NUDT3: variants seen among roughly 807,000 people sequenced by gnomAD.
NUDT3 encodes the protein diphosphoinositol polyphosphate phosphohydrolase 1.
Under a neutral mutation model 23.6 loss-of-function variants are expected in NUDT3, and 9 were observed. That is an observed-to-expected ratio of 0.38 (90% CI 0.23 to 0.66). The LOEUF (loss-of-function observed/expected upper bound fraction) is 0.66, where lower values mean the gene tolerates loss of function less well. NUDT3 is among the 30% of genes least tolerant of loss of function. NUDT3 has a pLI of 0.52. For synonymous variants in NUDT3, 86 were observed against 82.6 expected (o/e 1.04, Z -0.22); for missense variants, 172 against 218.5 (o/e 0.79, Z 1.34).
At chr6:34,387,673 TAAAAAAAA>T (rs752125676) in intron 1 of NUDT3, among the ~76,000 whole-genome samples, 3 of 98,782 alleles carry the variant, frequency 3.0e-5, no homozygotes, top group Non-Finnish European at 4.1e-5. Context: ...CATCTCTTTT[TAAAAAAAA>T]AAAAAAAAAA....
chr6:34,316,665 A>G (rs1188514246), intron 2 of NUDT3, among the ~76,000 whole-genome samples: 1 of 152,150 alleles, frequency 6.6e-6, no homozygotes, highest in Admixed American at 6.6e-5. Flanking sequence ...TTGTATTTCC[A>G]ACCATGGTGA....
chr6:34,369,494 GA>G (rs1192142065), intron 1 of NUDT3, among the ~76,000 whole-genome samples: 1 of 152,322 alleles, frequency 6.6e-6, no homozygotes, highest in Non-Finnish European at 1.5e-5. Flanking sequence ...CAAGACAGAG[GA>G]GACGGCTGCT....
intron 1 of NUDT3, among the ~76,000 whole-genome samples, chr6:34,381,098 C>G (rs1162509718): frequency 6.6e-6 from 1 of 152,162 alleles, no homozygotes; most frequent in African/African-American, 2.4e-5. Context: ...CTTACTGCAG[C>G]CTTGACCTCC....
At chr6:34,290,618 G>A (rs550679437) in intron 4 of NUDT3, among the ~76,000 whole-genome samples, 9 of 150,916 alleles carry the variant, frequency 6.0e-5, no homozygotes, top group Non-Finnish European at 1.3e-4. Context: ...CTTGAACCCA[G>A]GAGGTTGAGG....
At position 34,376,692 on chromosome 6, in the gene NUDT3, A is replaced by T. The variant is rs576816358; in HGVS notation, c.99+15572T>A. On this transcript the variant is annotated intron_variant, in intron 1 of 4. Transcript: ENST00000607016. The stretch of plus-strand genomic sequence containing the variant: ...ATGGCTCTCACTTCCAGAATAGAAC[A>T]TCATTCTCCCAATCATTCCCTCTGG... Among the ~76,000 whole-genome samples the T allele has an allele frequency of 8.7e-4, 133 of 152,266 alleles. 1 individual carries two copies. The highest frequency in any genetic ancestry group is 6.4e-3 in the South Asian group (31 of 4,826).
rs952499361 is a variant in NUDT3, at chr6:34,290,401, C to CTT, written c.341-1472_341-1471dup. On this transcript the variant is annotated intron_variant, in intron 4 of 4. Transcript: ENST00000607016. Reference sequence around the variant, plus strand: ...GCACGTGCCACACCTGCTGCTGCTTCTTTTTTTTTTTTTTTTTTTTTTGGT... The same window carrying CTT: ...GCACGTGCCACACCTGCTGCTGCTTCTTTTTTTTTTTTTTTTTTTTTTTTGGT... Among the ~76,000 whole-genome samples the CTT allele has an allele frequency of 7.5e-4, 80 of 107,310 alleles. 1 individual carries two copies. In the East Asian group the frequency reaches 8.9e-3, roughly 12 times the overall value. The allele number at this position is 107,310 out of a possible 152,430, so 70.4% of individuals were successfully genotyped here. A position where few individuals can be genotyped will look rare whatever the true frequency, so the allele number is the denominator to read the frequency against.
chr6:34,322,480 T>G (rs557411913), intron 2 of NUDT3, among the ~76,000 whole-genome samples: 2 of 152,154 alleles, frequency 1.3e-5, no homozygotes, highest in Non-Finnish European at 2.9e-5. Context: ...CCGCCCACCT[T>G]GGCCTCCCAA....
At chr6:34,390,027 C>T (rs2113774800) in intron 1 of NUDT3, among the ~76,000 whole-genome samples, 1 of 151,018 alleles carries the variant, frequency 6.6e-6, no homozygotes, top group East Asian at 1.9e-4. Context: ...ATCCCAGCTA[C>T]TCGGGAGGCT....
intron 2 of NUDT3, among the ~76,000 whole-genome samples, chr6:34,303,657 T>C (rs1016731221): frequency 6.6e-6 from 1 of 152,204 alleles, no homozygotes; most frequent in Non-Finnish European, 1.5e-5. Flanking sequence ...TTATAATGAA[T>C]AGATGCTGAA....
At position 34,297,549 on chromosome 6, in the gene NUDT3, TG is replaced by T. The variant is rs1422449254; in HGVS notation, c.211-1865del. Among the ~76,000 whole-genome samples the T allele has an allele frequency of 2.0e-4, 28 of 139,412 alleles. 1 individual carries two copies. The South Asian group carries it at 2.2e-3, about 11-fold the overall frequency. 91.5% of individuals were successfully genotyped at this position (139,412 alleles called of 152,430 possible). ...GGGGGACAGAGGTAAGAAAAGTCAT[TG>T]TTTTTTTTTTTTTTTTAACTCTTGT... On this transcript the variant is annotated intron_variant, in intron 2 of 4. Transcript: ENST00000607016.
Position 34,389,833 on chromosome 6 carries a change from G to A in NUDT3, c.99+2431C>T, listed in dbSNP as rs140155198. 5.7e-3 allele frequency among the ~76,000 whole-genome samples: 861 copies of A among 151,986 alleles called. 3 individuals are homozygous for A. The highest frequency in any genetic ancestry group is 0.017 in the African/African-American group (723 of 41,452). ...AAAAAAATTAGCCAGACGTGGTCGC[G>A]GGCACCTGTAGTCCCAGCTGCTCGG... is the stretch of plus-strand genomic sequence containing the variant. On this transcript the variant is annotated intron_variant, in intron 1 of 4. Coordinates refer to ENST00000607016, the MANE Select transcript of NUDT3 (RefSeq NM_006703.4).
chr6:34,331,481 T>C (rs910276094), intron 2 of NUDT3, among the ~76,000 whole-genome samples: 4 of 152,168 alleles, frequency 2.6e-5, no homozygotes, highest in Admixed American at 6.5e-5. Context: ...TACAGGGAAA[T>C]CTAAGCAGAT....
chr6:34,365,905 GT>G (rs1764720711), intron 1 of NUDT3, among the ~76,000 whole-genome samples: 1 of 152,112 alleles, frequency 6.6e-6, no homozygotes, highest in Non-Finnish European at 1.5e-5. Flanking sequence ...GCCAGGGGTG[GT>G]GGCGCAAGCC....
In NUDT3 at chr6:34,376,230, C is replaced by T. The variant is rs1011985661; in HGVS notation, c.99+16034G>A. Among the ~76,000 whole-genome samples, 5 of 152,140 alleles carry T rather than the reference C, an allele frequency of 3.3e-5. No homozygotes were observed. The South Asian group carries it at 1.0e-3, about 32-fold the overall frequency. ...ATCAAAATTTAAAAGTCATCTTCAACCATGAGCTCCTTCATCTTTTTTTTT... is the reference window on the plus strand; with the variant it reads ...ATCAAAATTTAAAAGTCATCTTCAATCATGAGCTCCTTCATCTTTTTTTTT... On this transcript the variant is annotated intron_variant, in intron 1 of 4. Transcript: ENST00000607016.
intron 2 of NUDT3, among the ~76,000 whole-genome samples, chr6:34,323,275 G>A (rs1293536935): frequency 2.0e-5 from 3 of 151,996 alleles, no homozygotes; most frequent in African/African-American, 7.2e-5. Flanking sequence ...AGGGTGGGCG[G>A]GCACAAAGAA....
Position 34,288,216 on chromosome 6 carries a change from T to C in NUDT3, c.*537A>G, listed in dbSNP as rs1329499140. The C allele has an allele frequency of 6.6e-6, 1 of 152,176 alleles. No homozygotes were observed. The highest frequency in any genetic ancestry group is 2.4e-5 in the African/African-American group (1 of 41,442). 9.4% of individuals were successfully genotyped at this position (152,176 alleles called of 1,614,324 possible). A position where few individuals can be genotyped will look rare whatever the true frequency, so the allele number is the denominator to read the frequency against. On this transcript the variant is annotated 3_prime_UTR_variant, in exon 5 of 5. Coordinates refer to ENST00000607016, the MANE Select transcript of NUDT3 (RefSeq NM_006703.4). ...AAAAAACCTTGAAAAATTAAACAAA[T>C]TTCTCTTTCTAGAAGTCATTTATTT...
intron 1 of NUDT3, among the ~76,000 whole-genome samples, chr6:34,349,840 C>T (rs1169352773): frequency 6.6e-6 from 1 of 150,622 alleles, no homozygotes; most frequent in African/African-American, 2.5e-5. Flanking sequence ...CCTGTAATCC[C>T]AGCACTTTGG....
chr6:34,391,856 C>T (rs921309126), intron 1 of NUDT3, among the ~76,000 whole-genome samples: 3 of 152,020 alleles, frequency 2.0e-5, no homozygotes, highest in African/African-American at 4.8e-5. Flanking sequence ...GCCCGCGCCT[C>T]GTGCACGCCG....
intron 1 of NUDT3, among the ~76,000 whole-genome samples, chr6:34,355,389 G>A (rs930491888): frequency 7.2e-5 from 11 of 151,918 alleles, no homozygotes; most frequent in Admixed American, 2.0e-4. Context: ...AGTTAGTCAC[G>A]ATGTATTATT....
Sources: allele counts gnomAD v4.1 joint callset (sites outside exome capture counted in the v4.1 genomes callset), GRCh38; gene constraint gnomAD v4.1.1; transcripts MANE v1.5; gene names NCBI Gene and HGNC (gene_info 2026-07-23, HGNC 2026-07-21).